The following MLKL variants were observed in gnomAD, a reference collection of about 807,000 sequenced individuals.
MLKL encodes the protein mixed lineage kinase domain-like protein.
A neutral mutation model predicts 56.5 loss-of-function variants in MLKL; 55 were observed. That is an observed-to-expected ratio of 0.97 (90% CI 0.78 to 1.22). The LOEUF is 1.22. MLKL is among the 50% of genes most tolerant of loss of function. The pLI, the probability that MLKL is intolerant of heterozygous loss-of-function variation, is 0.00. For synonymous variants in MLKL, 251 were observed against 208.3 expected (o/e 1.20, Z -1.76); for missense variants, 694 against 573.9 (o/e 1.21, Z -2.14).
chr16:74,672,217 G>T lies in MLKL; in HGVS notation c.*287C>A. The T allele has an allele frequency of 3.1e-6, 1 of 318,672 alleles. No homozygotes were observed. The highest frequency in any genetic ancestry group is 5.8e-6 in the Non-Finnish European group (1 of 171,350). The allele number at this position is 318,672 out of a possible 1,614,324, so 19.7% of individuals were successfully genotyped here. A position where few individuals can be genotyped will look rare whatever the true frequency, so the allele number is the denominator to read the frequency against. On this transcript the variant is annotated 3_prime_UTR_variant, in exon 11 of 11. Transcript: ENST00000308807. ...GGTGGGGAAAGAGACTTCATTTATG[G>T]AAGGGAGGAGCTGCAAATTTCATTG...
Position 74,693,357 on chromosome 16 carries a change from A to G in MLKL, c.461-941T>C, listed in dbSNP as rs1247952589. Among the ~76,000 whole-genome samples the G allele has an allele frequency of 4.6e-5, 7 of 151,058 alleles. No individual in the cohort carries two copies. In the East Asian group the frequency reaches 7.9e-4, roughly 17 times the overall value. On this transcript the variant is annotated intron_variant, in intron 2 of 10. Transcript: ENST00000308807. ...GTGGCACATGCCTGTAATCCCAACTACTGGGGTGACTGAGGCACAAGAATC... is the reference window on the plus strand; with the variant it reads ...GTGGCACATGCCTGTAATCCCAACTGCTGGGGTGACTGAGGCACAAGAATC...
In MLKL at chr16:74,672,421, G is replaced by A. The variant is rs1301359075; in HGVS notation, c.*83C>T. 1.4e-5 allele frequency: 19 copies of A among 1,326,874 alleles called. No homozygotes were observed. Among genetic ancestry groups the A allele is most frequent in the Admixed American group, 3.7e-5 (2 of 54,740 alleles). The allele number at this position is 1,326,874 out of a possible 1,614,324, so 82.2% of individuals were successfully genotyped here. A position where few individuals can be genotyped will look rare whatever the true frequency, so the allele number is the denominator to read the frequency against. ...TTGCACCCATAGATAACCCAATGCC[G>A]AAGGATATGAGAGAGAGAGATGTCC... On this transcript the variant is annotated 3_prime_UTR_variant, in exon 11 of 11. Coordinates refer to ENST00000308807, the MANE Select transcript of MLKL (RefSeq NM_152649.4).
intron 1 of MLKL, among the ~76,000 whole-genome samples, chr16:74,697,465 A>G (rs1258697218): frequency 6.6e-6 from 1 of 152,186 alleles, no homozygotes; most frequent in African/African-American, 2.4e-5. Flanking sequence ...AATAATTATG[A>G]CACTAGATCT....
rs1960081725 is a variant in MLKL at position 74,682,899 on chromosome 16, C to A, written c.821-113G>T. On this transcript the variant is annotated intron_variant, in intron 5 of 10. Coordinates refer to ENST00000308807, the MANE Select transcript of MLKL (RefSeq NM_152649.4). Reference sequence around the variant, plus strand: ...ATACAGACTTGGCTCTGCTGAGTCCCATTTCTCCCCCAATCCTCAGCCCAC... The same window carrying A: ...ATACAGACTTGGCTCTGCTGAGTCCAATTTCTCCCCCAATCCTCAGCCCAC... 5 of 1,257,570 alleles carry A rather than the reference C, an allele frequency of 4.0e-6. No individual in the cohort carries two copies. In the South Asian group the frequency reaches 5.9e-5, roughly 15 times the overall value. The allele number at this position is 1,257,570 out of a possible 1,614,324, so 77.9% of individuals were successfully genotyped here.
rs13335071 is a variant in MLKL, at chr16:74,673,636, A to C, written c.1382-1098T>G. On this transcript the variant is annotated intron_variant, in intron 10 of 10. Coordinates refer to ENST00000308807, the MANE Select transcript of MLKL (RefSeq NM_152649.4). ...GGAAGCTATGGAGAAGCAGCTGATG[A>C]CATGGTGAGATAAAAGTCTGCATCG... Among the ~76,000 whole-genome samples the C allele has an allele frequency of 8.4e-3, 1,281 of 152,260 alleles. 15 individuals are homozygous for C. The highest frequency in any genetic ancestry group is 0.024 in the African/African-American group (1,004 of 41,542).
In MLKL at chr16:74,700,646, C is replaced by T. The variant is rs1398688633; in HGVS notation, c.-196G>A. Reference sequence around the variant, plus strand: ...ACTCTGCTGACTGTACCGGACGCCACACGTGGCTGGCGGCGACAAGGCGCC... The same window carrying T: ...ACTCTGCTGACTGTACCGGACGCCATACGTGGCTGGCGGCGACAAGGCGCC... On this transcript the variant is annotated 5_prime_UTR_variant, in exon 1 of 11. In the 5' UTR this introduces an upstream ATG that the reference lacks. Coordinates refer to ENST00000308807, the MANE Select transcript of MLKL (RefSeq NM_152649.4). 6.6e-6 allele frequency: 1 copy of T among 152,416 alleles called. No homozygotes were observed. The highest frequency in any genetic ancestry group is 2.4e-5 in the African/African-American group (1 of 41,464). 9.4% of individuals were successfully genotyped at this position (152,416 alleles called of 1,614,324 possible).
chr16:74,685,952 T>C (rs1017581788), intron 4 of MLKL, among the ~76,000 whole-genome samples: 9 of 151,790 alleles, frequency 5.9e-5, no homozygotes, highest in African/African-American at 2.2e-4. Context: ...TGACAGATTG[T>C]GGTGTGTGTC....
chr16:74,696,789 C>T (rs1961068414), intron 1 of MLKL, among the ~76,000 whole-genome samples: 1 of 151,186 alleles, frequency 6.6e-6, no homozygotes. Context: ...GAAACCCCGT[C>T]TCTACTAAAA....
intron 10 of MLKL, among the ~76,000 whole-genome samples, chr16:74,674,042 C>T (rs1248943701): frequency 6.6e-6 from 1 of 151,818 alleles, no homozygotes; most frequent in Non-Finnish European, 1.5e-5. Flanking sequence ...CTTTCCAACC[C>T]ACTTTGGATA....
chr16:74,674,132 C>T (rs1959423195), intron 10 of MLKL, among the ~76,000 whole-genome samples: 1 of 150,816 alleles, frequency 6.6e-6, no homozygotes, highest in East Asian at 2.0e-4. Context: ...CTGTCCTATG[C>T]GTTGTAGGAT....
chr16:74,675,242 C>A (rs1182607422), intron 9 of MLKL, 113 bp downstream of exon 9: 2 of 1,567,320 alleles, frequency 1.3e-6, no homozygotes, highest in Non-Finnish European at 1.7e-6. Context: ...CCAGCCCAGG[C>A]AGTTCCCACA....
chr16:74,697,004 T>G (rs563497607), intron 1 of MLKL, among the ~76,000 whole-genome samples: 63 of 147,272 alleles, frequency 4.3e-4, no homozygotes, highest in Non-Finnish European at 8.2e-4. Context: ...AATACATATA[T>G]ATAATATTAC....
chr16:74,689,843 A>G (rs779854932), intron 4 of MLKL, among the ~76,000 whole-genome samples: 9 of 152,220 alleles, frequency 5.9e-5, no homozygotes, highest in Non-Finnish European at 1.0e-4. Flanking sequence ...CTATGTGGCT[A>G]AAAATAAAAG....
At chr16:74,673,709 G>C (rs761307345) in intron 10 of MLKL, among the ~76,000 whole-genome samples, 17 of 151,892 alleles carry the variant, frequency 1.1e-4, no homozygotes, top group Non-Finnish European at 1.9e-4. Flanking sequence ...GGCAGACAAG[G>C]AGGGAGGAAA....
At chr16:74,673,304 G>C (rs991297235) in intron 10 of MLKL, among the ~76,000 whole-genome samples, 10 of 152,106 alleles carry the variant, frequency 6.6e-5, no homozygotes, top group African/African-American at 2.4e-4. Context: ...TGCAACCTTT[G>C]CCTCTGGGGT....
At chr16:74,690,300 G>A (rs1303015583) in intron 4 of MLKL, among the ~76,000 whole-genome samples, 1 of 152,230 alleles carries the variant, frequency 6.6e-6, no homozygotes, top group Non-Finnish European at 1.5e-5. Flanking sequence ...TTGTGGGAGT[G>A]TAGGCATAGA....
At chr16:74,698,986 G>A (rs926831829) in intron 1 of MLKL, among the ~76,000 whole-genome samples, 8 of 151,956 alleles carry the variant, frequency 5.3e-5, no homozygotes, top group African/African-American at 1.5e-4. Flanking sequence ...GGTAGCAGGC[G>A]CCTGTAATCC....
intron 7 of MLKL, chr16:74,676,571 G>C (rs548924006): frequency 1.1e-5 from 7 of 649,770 alleles, no homozygotes; most frequent in Non-Finnish European, 1.3e-5. Context: ...ATGAAAGGTG[G>C]AATAGCGCAT....
intron 10 of MLKL, 132 bp from the exon 11 acceptor site, chr16:74,672,670 C>T: frequency 1.3e-6 from 1 of 758,668 alleles, no homozygotes; most frequent in East Asian, 2.5e-5. Flanking sequence ...GCCTGAACCA[C>T]CATCAGCACT....
Sources: allele counts gnomAD v4.1 joint callset (sites outside exome capture counted in the v4.1 genomes callset), GRCh38; gene constraint gnomAD v4.1.1; transcripts MANE v1.5; gene names NCBI Gene and HGNC (gene_info 2026-07-23, HGNC 2026-07-21).